Variants in C12orf42 observed in about 807,000 individuals in gnomAD.
C12orf42 encodes chromosome 12 open reading frame 42.
Under a neutral mutation model 21.6 loss-of-function variants are expected in C12orf42, and 25 were observed. The ratio of observed to expected loss-of-function variants is 1.16; its 90% CI spans 0.84 to 1.62. C12orf42 has a LOEUF of 1.62. C12orf42 is among the 40% of genes most tolerant of loss of function. C12orf42 has a pLI of 0.00. For missense variants in C12orf42, 483 were observed against 459.3 expected, an observed-to-expected ratio of 1.05 and a Z score of -0.47; for synonymous variants, 174 against 175.0, an observed-to-expected ratio of 0.99 and a Z score of 0.05.
chr12:103,199,546 T>C, the C12orf42 span, among the ~76,000 whole-genome samples: 2 of 152,118 alleles, frequency 1.3e-5, no homozygotes, highest in South Asian at 2.1e-4. Flanking sequence ...GGGGAAAATA[T>C]TTGTAAACCA....
chr12:103,493,531 T>G lies in C12orf42; in HGVS notation c.-22+2371A>C, dbSNP rs555469459. The stretch of plus-strand genomic sequence containing the variant: ...CTTGGTGTTCCCCTGCATTCTCACT[T>G]GCTTTAGGTCCCAGCTGAAATGTGA... On this transcript the variant is annotated intron_variant, in intron 1 of 5. Coordinates refer to ENST00000548883, the MANE Select transcript of C12orf42 (RefSeq NM_198521.5). 8.5e-5 allele frequency among the ~76,000 whole-genome samples: 13 copies of G among 152,132 alleles called. No homozygotes were observed. The East Asian group carries it at 2.5e-3, about 30-fold the overall frequency.
chr12:103,189,822 C>A, the C12orf42 span, among the ~76,000 whole-genome samples: 1 of 152,212 alleles, frequency 6.6e-6, no homozygotes, highest in Non-Finnish European at 1.5e-5. Flanking sequence ...GGGCCACCCA[C>A]AATCCTAGCC....
At chr12:103,315,882 G>T (rs2039425941) in intron 4 of C12orf42, among the ~76,000 whole-genome samples, 1 of 151,474 alleles carries the variant, frequency 6.6e-6, no homozygotes. Flanking sequence ...CACAAAAAAT[G>T]ATAAGTATGT....
intron 2 of C12orf42, among the ~76,000 whole-genome samples, chr12:103,456,777 G>A (rs1257082695): frequency 6.6e-6 from 1 of 151,984 alleles, no homozygotes; most frequent in East Asian, 1.9e-4. Flanking sequence ...TCTTCCTTCT[G>A]AACCCATCTA....
At chr12:103,137,608 C>T in the C12orf42 span, among the ~76,000 whole-genome samples, 14 of 152,268 alleles carry the variant, frequency 9.2e-5, no homozygotes, top group East Asian at 3.9e-4. Context: ...ATAGCAAAGA[C>T]ATGAAATCAA....
At chr12:103,255,280 G>A (rs112269750) in intron 10 of C12orf42, among the ~76,000 whole-genome samples, 9 of 152,234 alleles carry the variant, frequency 5.9e-5, no homozygotes, top group African/African-American at 2.2e-4. Flanking sequence ...GCTGAGGCAG[G>A]GGGATCACTT....
At chr12:103,309,409 G>T (rs942137860) in intron 4 of C12orf42, among the ~76,000 whole-genome samples, 4 of 151,990 alleles carry the variant, frequency 2.6e-5, no homozygotes, top group Non-Finnish European at 5.9e-5. Context: ...TTACTTTATT[G>T]TAAGAATACA....
intron 2 of C12orf42, among the ~76,000 whole-genome samples, chr12:103,430,759 T>C (rs578155591): frequency 6.6e-6 from 1 of 152,260 alleles, no homozygotes; most frequent in East Asian, 1.9e-4. Flanking sequence ...GTGGTACATA[T>C]ACACCATGGA....
chr12:103,239,422 T>C (rs1486417292), intron 10 of C12orf42, among the ~76,000 whole-genome samples: 1 of 152,180 alleles, frequency 6.6e-6, no homozygotes. Context: ...TGTCTTTCCC[T>C]TTCTGAAAAC....
chr12:103,098,085 C>T, the C12orf42 span, among the ~76,000 whole-genome samples: 1 of 152,220 alleles, frequency 6.6e-6, no homozygotes, highest in Non-Finnish European at 1.5e-5. Context: ...ATTGCCAAAG[C>T]AGTTCTAGCA....
At chr12:103,518,375 A>T in the C12orf42 span, among the ~76,000 whole-genome samples, 114 of 152,314 alleles carry the variant, frequency 7.5e-4, 2 homozygotes, top group African/African-American at 2.7e-3. Flanking sequence ...ACCATTCAGC[A>T]TCAATCCTCC....
At chr12:103,235,237 T>C (rs776103424), downstream of C12orf42, among the ~76,000 whole-genome samples, 6 of 152,170 alleles carry the variant, frequency 3.9e-5, no homozygotes, top group Non-Finnish European at 8.8e-5. Flanking sequence ...TTTACACCCA[T>C]GGGAGGCTTT....
intron 2 of C12orf42, among the ~76,000 whole-genome samples, chr12:103,455,620 T>C (rs1227140798): frequency 6.6e-6 from 1 of 152,150 alleles, no homozygotes; most frequent in Non-Finnish European, 1.5e-5. Flanking sequence ...CCTGGGGGTG[T>C]GAGGTTCCTC....
chr12:103,349,614 G>A (rs559428577), intron 4 of C12orf42, among the ~76,000 whole-genome samples: 1 of 152,014 alleles, frequency 6.6e-6, no homozygotes, highest in Non-Finnish European at 1.5e-5. Flanking sequence ...AACTGTGTAA[G>A]TATCTTGGTA....
intron 2 of C12orf42, among the ~76,000 whole-genome samples, chr12:103,410,655 G>C (rs1024083466): frequency 3.3e-5 from 5 of 152,148 alleles, no homozygotes; most frequent in Non-Finnish European, 5.9e-5. Flanking sequence ...AGAACATTTG[G>C]AACTGCAACT....
the C12orf42 span, among the ~76,000 whole-genome samples, chr12:103,220,589 C>T: frequency 1.3e-5 from 2 of 152,086 alleles, no homozygotes; most frequent in Non-Finnish European, 2.9e-5. Flanking sequence ...TGTCAAAATG[C>T]CAGTTATCCT....
At chr12:103,236,934 C>G (rs2033487264), downstream of C12orf42, among the ~76,000 whole-genome samples, 1 of 152,206 alleles carries the variant, frequency 6.6e-6, no homozygotes, top group Non-Finnish European at 1.5e-5. Flanking sequence ...CTGGCAGATT[C>G]AGCAGCATAT....
At chr12:103,536,070 T>A in the C12orf42 span, among the ~76,000 whole-genome samples, 2 of 152,240 alleles carry the variant, frequency 1.3e-5, no homozygotes, top group Non-Finnish European at 2.9e-5. Context: ...CATGAACTAC[T>A]ATGCCTGGCT....
the C12orf42 span, among the ~76,000 whole-genome samples, chr12:103,151,251 A>T: frequency 2.0e-5 from 3 of 152,120 alleles, no homozygotes; most frequent in Non-Finnish European, 4.4e-5. Context: ...CAAAGTGATT[A>T]ACACTGGAAG....
Sources: gnomAD v4.1 joint callset for allele counts (sites outside exome capture counted in the v4.1 genomes callset) on GRCh38, gnomAD v4.1.1 for gene constraint, MANE v1.5 for transcripts, NCBI Gene and HGNC (gene_info 2026-07-23, HGNC 2026-07-21) for gene names.